The following RALGAPA1 variants were observed in gnomAD, a reference collection of about 807,000 sequenced individuals.
RALGAPA1 encodes the protein Ral GTPase activating protein catalytic subunit alpha 1.
RALGAPA1 carries 52 observed loss-of-function variants against 269.6 expected under a neutral mutation model. That is an observed-to-expected ratio of 0.19 (90% CI 0.15 to 0.24). The LOEUF is 0.24. Among genes scored for constraint, RALGAPA1 ranks in the 10% least tolerant of loss-of-function variants. The pLI, the probability that RALGAPA1 is intolerant of heterozygous loss-of-function variation, is 1.00. For synonymous variants in RALGAPA1, 817 were observed against 1,008.3 expected (o/e 0.81, Z 3.60); for missense variants, 1,917 against 3,013.9 (o/e 0.64, Z 8.52).
intron 34 of RALGAPA1, 122 bp downstream of exon 34, chr14:35,626,968 G>T: frequency 2.0e-6 from 2 of 997,244 alleles, no homozygotes; most frequent in Non-Finnish European, 1.4e-6. Flanking sequence ...AAAAAAATGA[G>T]TCAAAGAACT....
intron 20 of RALGAPA1, among the ~76,000 whole-genome samples, chr14:35,684,510 C>T (rs1327801847): frequency 6.6e-6 from 1 of 152,120 alleles, no homozygotes. Context: ...AATTATTTTC[C>T]TTTCTACAGT....
At chr14:35,592,858 C>A (rs1479392466) in intron 37 of RALGAPA1, among the ~76,000 whole-genome samples, 1 of 152,088 alleles carries the variant, frequency 6.6e-6, no homozygotes, top group Non-Finnish European at 1.5e-5. Flanking sequence ...TTCTTCAACA[C>A]AATAAAGGTA....
rs116830783 is a variant in RALGAPA1 at position 35,778,206 on chromosome 14, C to T, written c.107-2461G>A. Among the ~76,000 whole-genome samples, 705 of 152,088 alleles carry T rather than the reference C, an allele frequency of 4.6e-3. 5 individuals are homozygous for T. Among genetic ancestry groups the T allele is most frequent in the African/African-American group, 0.016 (644 of 41,502 alleles). On this transcript the variant is annotated intron_variant, in intron 1 of 41. Transcript: ENST00000680220. ...CTCCAAAAGTACCTGGGACCCAGGTCTCCCCACCACACCTAGCTAATTTTT... is the reference window on the plus strand; with the variant it reads ...CTCCAAAAGTACCTGGGACCCAGGTTTCCCCACCACACCTAGCTAATTTTT...
chr14:35,552,849 A>C (rs1048699950), intron 39 of RALGAPA1, among the ~76,000 whole-genome samples: 1 of 152,212 alleles, frequency 6.6e-6, no homozygotes, highest in Non-Finnish European at 1.5e-5. Flanking sequence ...ATAAGGGAAC[A>C]AAATGTCTAT....
At chr14:35,719,836 T>C (rs1290369382) in intron 16 of RALGAPA1, among the ~76,000 whole-genome samples, 3 of 152,146 alleles carry the variant, frequency 2.0e-5, no homozygotes, top group Admixed American at 6.5e-5. Context: ...CTGCAACCTC[T>C]GCCGCCTGGG....
chr14:35,797,280 G>A (rs1372468981), intron 1 of RALGAPA1, among the ~76,000 whole-genome samples: 2 of 147,770 alleles, frequency 1.4e-5, no homozygotes, highest in African/African-American at 5.1e-5. Flanking sequence ...TTGAACCTGA[G>A]AGGTGGAGGT....
chr14:35,748,499 C>T (rs1285065450), intron 10 of RALGAPA1, 86 bp downstream of exon 10: 19 of 1,439,160 alleles, frequency 1.3e-5, no homozygotes, highest in Admixed American at 2.6e-5. Flanking sequence ...AAGGTACACA[C>T]CACTGTTCCC....
Position 35,692,436 on chromosome 14 carries a change from C to T in RALGAPA1, c.2408-2433G>A, listed in dbSNP as rs567453185. On this transcript the variant is annotated intron_variant, in intron 17 of 41. Transcript: ENST00000680220. ...ATGTTCTGTGTTTAGGAATTCCTTCCCAAACTCAGCCCTCACTCCTTGTAT... is the reference window on the plus strand; with the variant it reads ...ATGTTCTGTGTTTAGGAATTCCTTCTCAAACTCAGCCCTCACTCCTTGTAT... Among the ~76,000 whole-genome samples the T allele has an allele frequency of 2.6e-5, 4 of 151,154 alleles. No homozygotes were observed. In the South Asian group the frequency reaches 8.3e-4, roughly 32 times the overall value.
intron 35 of RALGAPA1, among the ~76,000 whole-genome samples, chr14:35,621,891 C>G (rs879613122): frequency 6.6e-6 from 1 of 152,096 alleles, no homozygotes; most frequent in Non-Finnish European, 1.5e-5. Context: ...TGTGGAGAAA[C>G]AGGAACGCTT....
At chr14:35,750,158 G>T (rs1309498905) in intron 9 of RALGAPA1, among the ~76,000 whole-genome samples, 1 of 151,938 alleles carries the variant, frequency 6.6e-6, no homozygotes, top group Non-Finnish European at 1.5e-5. Context: ...GGCCATCAAG[G>T]TTCTACCATT....
At position 35,688,766 on chromosome 14, in the gene RALGAPA1, T is replaced by C. The variant is rs2066202541; in HGVS notation, c.3645A>G (p.Leu1215=). 1.4e-6 allele frequency: 2 copies of C among 1,451,616 alleles called. No individual in the cohort carries two copies. The highest frequency in any genetic ancestry group is 1.4e-5 in the African/African-American group (1 of 70,138). 89.9% of individuals were successfully genotyped at this position (1,451,616 alleles called of 1,614,324 possible). ...ELVKPGVYRP[L]DTLGTASVSS... ...TTACTGATGCAGTACCAAGTGTATCTAGAGGTCTGTACACACCAGGTTTTA... is the reference window on the plus strand; with the variant it reads ...TTACTGATGCAGTACCAAGTGTATCCAGAGGTCTGTACACACCAGGTTTTA... Residue 1215 remains leucine, a synonymous_variant, in exon 18 of 42, where the codon CTA becomes CTG. Transcript: ENST00000680220.
intron 4 of RALGAPA1, among the ~76,000 whole-genome samples, chr14:35,764,196 T>C (rs1189146483): frequency 1.3e-5 from 2 of 151,970 alleles, no homozygotes; most frequent in African/African-American, 4.8e-5. Context: ...GTTCAAGTGA[T>C]CCTCCCACTT....
At chr14:35,772,623 G>A (rs1035158705) in intron 3 of RALGAPA1, among the ~76,000 whole-genome samples, 26 of 152,200 alleles carry the variant, frequency 1.7e-4, no homozygotes, top group African/African-American at 6.0e-4. Flanking sequence ...TTAAATGAAT[G>A]CTAATAAGGG....
rs745648650 is a variant in RALGAPA1, at chr14:35,775,665, C to T, written c.187G>A (p.Val63Met). 1 of 1,576,302 alleles carries T rather than the reference C, an allele frequency of 6.3e-7. No individual in the cohort carries two copies. Among genetic ancestry groups the T allele is most frequent in the Non-Finnish European group, 8.6e-7 (1 of 1,167,680 alleles). The change falls in exon 2 of 42, where the codon GTG becomes ATG. Residue 63 changes from valine to methionine, a missense_variant. Physicochemically the swap from Val to Met is conservative, Grantham distance 21. This residue lies in a region of RALGAPA1 where 462 missense variants were observed against 725.6 expected (regional missense o/e 0.64). Coordinates refer to ENST00000680220, the MANE Select transcript of RALGAPA1 (RefSeq NM_001346249.2). ...HIYYVFFENF[V>M]TIEASLKQKG... ...TGTTTAAGACTAGCTTCAATAGTCA[C>T]AAAATTTTCAAAGAACACATAGTAT...
chr14:35,673,380 ACT>A (rs536114055), intron 24 of RALGAPA1, among the ~76,000 whole-genome samples: 260 of 152,244 alleles, frequency 1.7e-3, no homozygotes, highest in African/African-American at 5.4e-3. Context: ...ACATAGAGAA[ACT>A]CTGTCTTTAC....
chr14:35,620,456 C>G (rs1386352475), intron 35 of RALGAPA1, among the ~76,000 whole-genome samples: 1 of 152,042 alleles, frequency 6.6e-6, no homozygotes, highest in Non-Finnish European at 1.5e-5. Context: ...TGGTACAAGA[C>G]AAGGATGCCC....
intron 39 of RALGAPA1, among the ~76,000 whole-genome samples, chr14:35,566,053 G>A (rs935469944): frequency 2.2e-4 from 33 of 152,008 alleles, no homozygotes; most frequent in African/African-American, 8.0e-4. Context: ...AATCTGCTTG[G>A]TTTTCCTCCA....
chr14:35,757,076 C>T (rs1429408056), intron 6 of RALGAPA1, among the ~76,000 whole-genome samples, 168 bp from the exon 7 acceptor site: 1 of 150,470 alleles, frequency 6.6e-6, no homozygotes, highest in East Asian at 1.9e-4. Flanking sequence ...GATAGTTGAT[C>T]ACAAAAATAA....
At chr14:35,717,644 T>C (rs913184092) in intron 16 of RALGAPA1, among the ~76,000 whole-genome samples, 1 of 151,974 alleles carries the variant, frequency 6.6e-6, no homozygotes, top group South Asian at 2.1e-4. Flanking sequence ...CTCCACCTCC[T>C]GGTTCAAGCA....
Sources: allele counts gnomAD v4.1 joint callset (sites outside exome capture counted in the v4.1 genomes callset), GRCh38; gene constraint gnomAD v4.1.1; regional missense constraint gnomAD v4.1.1; transcripts MANE v1.5; gene names NCBI Gene and HGNC (gene_info 2026-07-23, HGNC 2026-07-21).